Variants in NRIP1 observed in about 807,000 individuals in gnomAD.
NRIP1 encodes nuclear receptor-interacting protein 1.
Under a neutral mutation model 75.0 loss-of-function variants are expected in NRIP1, and 28 were observed. The ratio of observed to expected loss-of-function variants is 0.37; its 90% CI spans 0.28 to 0.51. The LOEUF (loss-of-function observed/expected upper bound fraction) is 0.51, where lower values mean the gene tolerates loss of function less well. Ranked by LOEUF, NRIP1 falls within the 20% of genes least tolerant of loss-of-function variation. The probability of loss-of-function intolerance (pLI) is 0.92; values close to 1 mark genes in which losing one functional copy is unlikely to be tolerated. For missense variants in NRIP1, 1,435 were observed against 1,343.7 expected (o/e 1.07, Z -1.06); for synonymous variants, 526 against 487.6 (o/e 1.08, Z -1.04).
chr21:14,998,757 A>G (rs1023891914), intron 3 of NRIP1, among the ~76,000 whole-genome samples: 9 of 152,226 alleles, frequency 5.9e-5, no homozygotes, highest in African/African-American at 2.2e-4. Flanking sequence ...TTCTTCAGAC[A>G]TCTTTCCTCT....
At chr21:15,037,136 A>G (rs1365179194) in intron 2 of NRIP1, among the ~76,000 whole-genome samples, 1 of 152,188 alleles carries the variant, frequency 6.6e-6, no homozygotes, top group East Asian at 1.9e-4. Context: ...TCTACATATC[A>G]CAGTAAGTTA....
At chr21:15,017,769 G>A (rs1296211515) in intron 2 of NRIP1, among the ~76,000 whole-genome samples, 1 of 152,118 alleles carries the variant, frequency 6.6e-6, no homozygotes, top group African/African-American at 2.4e-5. Flanking sequence ...CTTGGTACTA[G>A]CATATGAACT....
intron 2 of NRIP1, among the ~76,000 whole-genome samples, chr21:15,036,151 A>AT (rs2088828370): frequency 6.6e-6 from 1 of 152,128 alleles, no homozygotes; most frequent in Non-Finnish European, 1.5e-5. Flanking sequence ...GAAGATCAAT[A>AT]TTTTTTTAAC....
At chr21:15,057,782 T>A (rs531691324) in intron 1 of NRIP1, among the ~76,000 whole-genome samples, 1 of 152,190 alleles carries the variant, frequency 6.6e-6, no homozygotes, top group Admixed American at 6.5e-5. Flanking sequence ...GGTTTCCTTA[T>A]CTCTAAACTA....
At chr21:15,024,642 A>C (rs2147225915) in intron 2 of NRIP1, among the ~76,000 whole-genome samples, 1 of 151,504 alleles carries the variant, frequency 6.6e-6, no homozygotes, top group Non-Finnish European at 1.5e-5. Context: ...AATGGGCAAA[A>C]TAGAGAGGGG....
intron 1 of NRIP1, among the ~76,000 whole-genome samples, chr21:15,063,354 C>A (rs565025448): frequency 2.0e-5 from 3 of 152,122 alleles, no homozygotes; most frequent in African/African-American, 7.2e-5. Context: ...AGGCGGCAAC[C>A]GACACTTAGG....
At chr21:15,040,857 A>C (rs2088937166) in intron 2 of NRIP1, among the ~76,000 whole-genome samples, 3 of 152,136 alleles carry the variant, frequency 2.0e-5, no homozygotes, top group Admixed American at 2.0e-4. Context: ...AAGTCAAAGA[A>C]AAATAAGTCT....
intron 3 of NRIP1, among the ~76,000 whole-genome samples, chr21:15,012,447 CTTTTTTTTTTT>C (rs869160226): frequency 1.4e-3 from 115 of 79,384 alleles, no homozygotes; most frequent in African/African-American, 5.5e-3. Flanking sequence ...ATTATAATGT[CTTTTTTTTTTT>C]TTTTTTTTTT....
At chr21:14,976,161 T>A (rs903260565) in intron 3 of NRIP1, among the ~76,000 whole-genome samples, 2 of 152,184 alleles carry the variant, frequency 1.3e-5, no homozygotes, top group Non-Finnish European at 2.9e-5. Context: ...AGAATCTTCC[T>A]TTTATTAATT....
chr21:14,965,133 A>C lies in NRIP1; in HGVS notation c.3060T>G (p.Cys1020Trp). Residue 1020 changes from cysteine (C) to tryptophan (W), a missense_variant, in exon 4 of 4, where the codon TGT becomes TGG. Cys to Trp is a radical substitution (Grantham distance 215). Coordinates refer to ENST00000318948, the MANE Select transcript of NRIP1 (RefSeq NM_003489.4). ...VSPTFPEHLG[C>W]AGSRPESGLL... ...GCCCAGATTCTGGTCTAGACCCTGC[A>C]CAGCCCAAGTGCTCAGGGAAAGTAG... 7 of 1,613,042 alleles carry C rather than the reference A, an allele frequency of 4.3e-6. No homozygotes were observed. Among genetic ancestry groups the C allele is most frequent in the Non-Finnish European group, 5.9e-6 (7 of 1,179,912 alleles).
intron 3 of NRIP1, among the ~76,000 whole-genome samples, chr21:15,000,772 G>A (rs1170015055): frequency 1.3e-5 from 2 of 151,948 alleles, no homozygotes; most frequent in African/African-American, 4.8e-5. Flanking sequence ...CACAAAACTA[G>A]GTGTACAAAA....
chr21:14,985,282 G>T (rs1359268234), intron 3 of NRIP1, among the ~76,000 whole-genome samples: 1 of 152,120 alleles, frequency 6.6e-6, no homozygotes, highest in Non-Finnish European at 1.5e-5. Flanking sequence ...GGAAATAGGA[G>T]AATTAAAATG....
chr21:14,972,269 C>T (rs1005450701), intron 3 of NRIP1, among the ~76,000 whole-genome samples: 9 of 152,142 alleles, frequency 5.9e-5, no homozygotes, highest in African/African-American at 2.2e-4. Context: ...AAATCACTAA[C>T]AATCCTTCTC....
chr21:14,991,771 A>G (rs544303284), intron 3 of NRIP1, among the ~76,000 whole-genome samples: 2 of 152,352 alleles, frequency 1.3e-5, no homozygotes, highest in African/African-American at 4.8e-5. Context: ...AGGAAGAAAT[A>G]AAAGGAAGCA....
chr21:14,968,186 G>T lies in NRIP1; in HGVS notation c.7C>A (p.His3Asn), dbSNP rs1473942162. The T allele has an allele frequency of 3.1e-6, 5 of 1,607,254 alleles. No individual in the cohort carries two copies. Among genetic ancestry groups the T allele is most frequent in the Non-Finnish European group, 4.3e-6 (5 of 1,176,318 alleles). The change falls in exon 4 of 4, where the codon CAT (histidine) becomes AAT (asparagine). Residue 3 changes from histidine (H) to asparagine (N), a missense_variant. By Grantham distance (68) the His-to-Asn change is moderately conservative. Transcript: ENST00000318948. The part of the protein sequence containing the change: MT[H>N]GEELGSDVHQ... ...ACATCAGAGCCAAGCTCTTCTCCAT[G>T]AGTCATGTTCAATAGAAGTGTTCAC...
intron 2 of NRIP1, among the ~76,000 whole-genome samples, chr21:15,027,096 G>A (rs537779964): frequency 3.3e-5 from 5 of 151,918 alleles, no homozygotes; most frequent in East Asian, 1.9e-4. Context: ...TACCATTTTC[G>A]CAAAACAAAA....
Position 15,030,992 on chromosome 21 carries a change from T to TGTGTACACTCTGGAAGGCAC in NRIP1, c.-458+12502_-458+12503insGTGCCTTCCAGAGTGTACAC, listed in dbSNP as rs2088658741. Among the ~76,000 whole-genome samples the TGTGTACACTCTGGAAGGCAC allele has an allele frequency of 7.5e-5, 8 of 106,810 alleles. 2 individuals carry two copies. Among genetic ancestry groups the TGTGTACACTCTGGAAGGCAC allele is most frequent in the East Asian group, 5.6e-4 (2 of 3,594 alleles). 70.1% of individuals were successfully genotyped at this position (106,810 alleles called of 152,430 possible). On this transcript the variant is annotated intron_variant, in intron 2 of 3. Transcript: ENST00000318948. ...CTATGTGTGTACACTCTGGAAGGTGTTCAGAGGTTCACCACATTCCCTTTC... is the reference window on the plus strand; with the variant it reads ...CTATGTGTGTACACTCTGGAAGGTGTGTGTACACTCTGGAAGGCACTCAGAGGTTCACCACATTCCCTTTC...
chr21:15,054,926 A>C (rs2147388402), intron 1 of NRIP1, among the ~76,000 whole-genome samples: 1 of 152,346 alleles, frequency 6.6e-6, no homozygotes. Flanking sequence ...TGGGGACAGA[A>C]GTAAGCCTAC....
At chr21:15,015,609 T>C (rs1213329451) in intron 2 of NRIP1, among the ~76,000 whole-genome samples, 2 of 152,024 alleles carry the variant, frequency 1.3e-5, no homozygotes, top group Non-Finnish European at 2.9e-5. Context: ...TAGAAATAGT[T>C]AAATAAACTA....
Sources: gnomAD v4.1 joint callset for allele counts (sites outside exome capture counted in the v4.1 genomes callset) on GRCh38, gnomAD v4.1.1 for gene constraint, MANE v1.5 for transcripts, NCBI Gene and HGNC (gene_info 2026-07-23, HGNC 2026-07-21) for gene names.